SLC9A8: variants seen among roughly 807,000 people sequenced by gnomAD.
The protein encoded by SLC9A8 is solute carrier family 9 member A8, also known as sodium/hydrogen exchanger 8.
In SLC9A8, 48 loss-of-function variants were observed where a neutral mutation model predicts 66.6. The ratio of observed to expected loss-of-function variants is 0.72; its 90% confidence interval spans 0.57 to 0.92. SLC9A8 has a LOEUF of 0.92. Ranked by LOEUF, SLC9A8 falls within the 40% of genes least tolerant of loss-of-function variation. SLC9A8 has a pLI of 0.00. For synonymous variants in SLC9A8, 274 were observed against 282.6 expected (o/e 0.97, Z 0.31); for missense variants, 599 against 747.3 (o/e 0.80, Z 2.31).
rs186674782 is a variant in SLC9A8 at position 49,841,618 on chromosome 20, T to A, written c.348+2019T>A. On this transcript the variant is annotated intron_variant, in intron 4 of 15. Coordinates refer to ENST00000361573, the MANE Select transcript of SLC9A8 (RefSeq NM_015266.3). The stretch of plus-strand genomic sequence containing the variant: ...CTTATTTTCTTTTTTTGAGACAGAG[T>A]CTCTCTTGGTTGTCCGGGCTAGAGT... Among the ~76,000 whole-genome samples, 49 of 152,220 alleles carry A rather than the reference T, an allele frequency of 3.2e-4. No homozygotes were observed. In the East Asian group the frequency reaches 8.9e-3, roughly 28 times the overall value.
At chr20:49,870,607 A>G (rs2089175182) in intron 10 of SLC9A8, among the ~76,000 whole-genome samples, 1 of 152,192 alleles carries the variant, frequency 6.6e-6, no homozygotes, top group Admixed American at 6.5e-5. Context: ...ATGCACCACG[A>G]CAAGAGAGTT....
intron 7 of SLC9A8, among the ~76,000 whole-genome samples, chr20:49,854,278 C>G (rs1378023500): frequency 2.6e-5 from 4 of 152,132 alleles, no homozygotes; most frequent in African/African-American, 9.7e-5. Context: ...GGTCCTGCCT[C>G]CCTCGCCAGC....
chr20:49,816,142 G>A (rs1384241512), intron 2 of SLC9A8, among the ~76,000 whole-genome samples: 2 of 152,104 alleles, frequency 1.3e-5, no homozygotes, highest in Non-Finnish European at 2.9e-5. Flanking sequence ...ATTTTGGGCC[G>A]AGTTTGGTGG....
intron 12 of SLC9A8, among the ~76,000 whole-genome samples, chr20:49,878,625 C>T (rs1240690945): frequency 6.6e-6 from 1 of 152,224 alleles, no homozygotes; most frequent in Non-Finnish European, 1.5e-5. Flanking sequence ...GTACTTCCAT[C>T]TCTCAGTCAG....
intron 10 of SLC9A8, 28 bp downstream of exon 10, chr20:49,864,872 G>A (rs558335310): frequency 7.0e-7 from 1 of 1,425,530 alleles, no homozygotes; most frequent in South Asian, 1.1e-5. Context: ...TGAAAGTGCT[G>A]TGGTGATGGC....
rs1290952773 is a variant in SLC9A8, at chr20:49,886,760, T to C, written c.1500T>C (p.Thr500=). 2 of 1,613,962 alleles carry C rather than the reference T, an allele frequency of 1.2e-6. No homozygotes were observed. Among genetic ancestry groups the C allele is most frequent in the South Asian group, 1.1e-5 (1 of 91,046 alleles). Residue 500 remains threonine (T), a synonymous_variant, in exon 15 of 16, where the codon ACT becomes ACC. Transcript: ENST00000361573. The surrounding 1 kb of genome is among the most constrained non-coding windows in gnomAD (Gnocchi z 4.8). The part of the protein sequence containing the change: ...NLSKTEKMGN[T]VESEHLSELT... ...CTTTCCTCCCTGCTCAGGGCAACAC[T>C]GTGGAGTCGGAGCACCTGTCGGAGC...
At chr20:49,882,810 C>A (rs1208618213) in intron 13 of SLC9A8, among the ~76,000 whole-genome samples, 1 of 152,210 alleles carries the variant, frequency 6.6e-6, no homozygotes, top group Non-Finnish European at 1.5e-5. Flanking sequence ...ATCCTCTGGC[C>A]CGTGACAGGT....
In SLC9A8 at chr20:49,890,818, A is replaced by T. The variant is rs2090024762; in HGVS notation, c.*2882A>T. 1 of 152,234 alleles carries T rather than the reference A, an allele frequency of 6.6e-6. No homozygotes were observed. Among genetic ancestry groups the T allele is most frequent in the African/African-American group, 2.4e-5 (1 of 41,452 alleles). The allele number at this position is 152,234 out of a possible 1,614,324, so 9.4% of individuals were successfully genotyped here. A position where few individuals can be genotyped will look rare whatever the true frequency, so the allele number is the denominator to read the frequency against. On this transcript the variant is annotated 3_prime_UTR_variant, in exon 16 of 16. Transcript: ENST00000361573. The stretch of plus-strand genomic sequence containing the variant: ...TACCCTAAGCCAGCCACCCCTCTTC[A>T]CAGTGGGTGAGCTGGGCTGGGCTGG...
chr20:49,841,108 C>T (rs1468437587), intron 4 of SLC9A8, among the ~76,000 whole-genome samples: 3 of 152,016 alleles, frequency 2.0e-5, no homozygotes, highest in Admixed American at 2.0e-4. Context: ...AGTTTGAGAC[C>T]AGCCTGGCCA....
rs6125784 is a variant in SLC9A8, at chr20:49,834,371, A to G, written c.290-5170A>G. ...TACTGTATATATATATATACTGTGTATATATATATATACTGTGTATATATA... is the reference window on the plus strand; with the variant it reads ...TACTGTATATATATATATACTGTGTGTATATATATATACTGTGTATATATA... On this transcript the variant is annotated intron_variant, in intron 3 of 15. Transcript: ENST00000361573. Among the ~76,000 whole-genome samples the G allele has an allele frequency of 0.044, 2,425 of 54,918 alleles. 463 individuals are homozygous for G. The East Asian group carries it at 0.47, about 11-fold the overall frequency. The allele number at this position is 54,918 out of a possible 152,430, so 36.0% of individuals were successfully genotyped here.
chr20:49,862,775 A>G lies in SLC9A8; in HGVS notation c.714-154A>G, dbSNP rs1600754458. ...CCAGAAAATAACAGTACCTGGGACAAAGTAGGTGAACAATAAACGTTTGGC... is the reference window on the plus strand; with the variant it reads ...CCAGAAAATAACAGTACCTGGGACAGAGTAGGTGAACAATAAACGTTTGGC... On this transcript the variant is annotated intron_variant, in intron 8 of 15. Coordinates refer to ENST00000361573, the MANE Select transcript of SLC9A8 (RefSeq NM_015266.3). 2.6e-5 allele frequency among the ~76,000 whole-genome samples: 4 copies of G among 152,040 alleles called. 1 individual carries two copies. In the East Asian group the frequency reaches 7.8e-4, roughly 30 times the overall value.
At chr20:49,874,253 T>C (rs2089332483) in intron 10 of SLC9A8, among the ~76,000 whole-genome samples, 1 of 151,686 alleles carries the variant, frequency 6.6e-6, no homozygotes, top group Non-Finnish European at 1.5e-5. Context: ...AGCAAAACTC[T>C]GTCCCCCCCC....
Position 49,823,149 on chromosome 20 carries a change from T to G in SLC9A8, c.289+8T>G. Reference sequence around the variant, plus strand: ...TTGCTGTTGTTTCTTTAGGTAAGTGTGTATTGGTGATTCCATAATAAAAGC... The same window carrying G: ...TTGCTGTTGTTTCTTTAGGTAAGTGGGTATTGGTGATTCCATAATAAAAGC... On this transcript the variant is annotated splice_region_variant and intron_variant, in intron 3 of 15. Coordinates refer to ENST00000361573, the MANE Select transcript of SLC9A8 (RefSeq NM_015266.3). The G allele has an allele frequency of 6.2e-7, 1 of 1,600,760 alleles. No homozygotes were observed. The highest frequency in any genetic ancestry group is 8.6e-7 in the Non-Finnish European group (1 of 1,169,420).
Position 49,842,511 on chromosome 20 carries a change from G to A in SLC9A8, c.349-2525G>A, listed in dbSNP as rs530837435. 4.5e-4 allele frequency among the ~76,000 whole-genome samples: 69 copies of A among 152,338 alleles called. 1 individual carries two copies. The highest frequency in any genetic ancestry group is 1.7e-3 in the African/African-American group (69 of 41,582). On this transcript the variant is annotated intron_variant, in intron 4 of 15. Coordinates refer to ENST00000361573, the MANE Select transcript of SLC9A8 (RefSeq NM_015266.3). The stretch of plus-strand genomic sequence containing the variant: ...GCTCTCTGTCAAGGGAGATCAGCAC[G>A]TTGGAGAGAGCCCTTAGAAGCGGTA...
chr20:49,888,886 A>T lies in SLC9A8; in HGVS notation c.*950A>T, dbSNP rs1203746648. On this transcript the variant is annotated 3_prime_UTR_variant, in exon 16 of 16. Coordinates refer to ENST00000361573, the MANE Select transcript of SLC9A8 (RefSeq NM_015266.3). ...GCTCACTGCTGCCATCTTCGCTGCTAGTCAGGGTTCCATCCTCTTTCCCCT... is the reference window on the plus strand; with the variant it reads ...GCTCACTGCTGCCATCTTCGCTGCTTGTCAGGGTTCCATCCTCTTTCCCCT... The T allele has an allele frequency of 6.6e-6, 1 of 152,440 alleles. No homozygotes were observed. Among genetic ancestry groups the T allele is most frequent in the African/African-American group, 2.4e-5 (1 of 41,438 alleles). 9.4% of individuals were successfully genotyped at this position (152,440 alleles called of 1,614,324 possible).
chr20:49,886,700 C>T lies in SLC9A8; in HGVS notation c.1492-52C>T. The T allele has an allele frequency of 6.3e-7, 1 of 1,586,318 alleles. No individual in the cohort carries two copies. Among genetic ancestry groups the T allele is most frequent in the Non-Finnish European group, 8.6e-7 (1 of 1,164,270 alleles). On this transcript the variant is annotated intron_variant, in intron 14 of 15. Coordinates refer to ENST00000361573, the MANE Select transcript of SLC9A8 (RefSeq NM_015266.3). This position sits in a 1 kb window ranked among gnomAD's most constrained non-coding sequence, Gnocchi z 4.8. ...TGGTGTGGGGGCTTCCAGGAGGTGCCCCCCGATGGTGCCAGCTGGTGGCCG... is the reference window on the plus strand; with the variant it reads ...TGGTGTGGGGGCTTCCAGGAGGTGCTCCCCGATGGTGCCAGCTGGTGGCCG...
chr20:49,813,669 A>G (rs905447635), intron 1 of SLC9A8, among the ~76,000 whole-genome samples: 1 of 152,196 alleles, frequency 6.6e-6, no homozygotes, highest in African/African-American at 2.4e-5. Context: ...TGAATGGGTT[A>G]AGTGTTCTGA....
chr20:49,868,922 A>C (rs2089083090), intron 10 of SLC9A8, among the ~76,000 whole-genome samples: 2 of 152,202 alleles, frequency 1.3e-5, no homozygotes, highest in Admixed American at 1.3e-4. Context: ...TCCACAGCAA[A>C]TCAAACAGTC....
intron 2 of SLC9A8, among the ~76,000 whole-genome samples, chr20:49,817,864 TC>T (rs2086610980): frequency 6.6e-6 from 1 of 152,238 alleles, no homozygotes; most frequent in South Asian, 2.1e-4. Flanking sequence ...TGTTTTATTT[TC>T]TTTTTCTTTT....
Sources: allele counts gnomAD v4.1 joint callset (sites outside exome capture counted in the v4.1 genomes callset), GRCh38; gene constraint gnomAD v4.1.1; non-coding constraint Gnocchi (gnomAD v3.1); transcripts MANE v1.5; gene names NCBI Gene and HGNC (gene_info 2026-07-23, HGNC 2026-07-21).